Variants in CNTN5 observed in about 807,000 individuals in gnomAD.
CNTN5 encodes the protein contactin 5, also known as contactin-5.
CNTN5 carries 77 observed loss-of-function variants against 129.1 expected under a neutral mutation model. The observed-to-expected ratio is 0.60, with a 90% CI of 0.50 to 0.72. The LOEUF is 0.72. Ranked by LOEUF, CNTN5 falls within the 30% of genes least tolerant of loss-of-function variation. The probability of loss-of-function intolerance (pLI) is 0.00; values close to 1 mark genes in which losing one functional copy is unlikely to be tolerated. For synonymous variants in CNTN5, 509 were observed against 465.6 expected (o/e 1.09, Z -1.20); for missense variants, 1,478 against 1,328.8 (o/e 1.11, Z -1.75).
chr11:99,645,262 C>CAAA (rs71050011), intron 3 of CNTN5, among the ~76,000 whole-genome samples: 7,540 of 47,534 alleles, frequency 0.16, 1,066 homozygotes, highest in East Asian at 0.35. Flanking sequence ...TCCATCTCAA[C>CAAA]AAAAAAAAAA....
chr11:100,340,168 T>G (rs1483937780), intron 21 of CNTN5, among the ~76,000 whole-genome samples: 1 of 152,222 alleles, frequency 6.6e-6, no homozygotes, highest in East Asian at 1.9e-4. Flanking sequence ...TTTGAATGAT[T>G]CTTCTTTAAT....
At chr11:99,093,862 G>T (rs1055496507) in intron 1 of CNTN5, among the ~76,000 whole-genome samples, 10 of 151,924 alleles carry the variant, frequency 6.6e-5, no homozygotes, top group African/African-American at 2.4e-4. Context: ...TTAATAACTT[G>T]TCTAAATCTC....
intron 2 of CNTN5, among the ~76,000 whole-genome samples, chr11:99,399,495 A>G (rs1941689748): frequency 6.6e-6 from 1 of 151,818 alleles, no homozygotes. Flanking sequence ...CAAAACATGT[A>G]GAAATATTCT....
intron 3 of CNTN5, among the ~76,000 whole-genome samples, chr11:99,781,153 C>T (rs571347487): frequency 1.2e-4 from 19 of 152,142 alleles, no homozygotes; most frequent in Admixed American, 3.9e-4. Context: ...AGCACACACA[C>T]ATTCAGAAAA....
At chr11:99,968,313 A>G (rs1360902630) in intron 8 of CNTN5, among the ~76,000 whole-genome samples, 2 of 152,186 alleles carry the variant, frequency 1.3e-5, no homozygotes, top group African/African-American at 4.8e-5. Context: ...AAATGTAGAA[A>G]GGCTACACAT....
chr11:99,793,014 C>CTTTTAT (rs1306276549), intron 3 of CNTN5, among the ~76,000 whole-genome samples: 1 of 151,344 alleles, frequency 6.6e-6, no homozygotes, highest in East Asian at 1.9e-4. Context: ...GATCTTCCCT[C>CTTTTAT]TTTTATTTTT....
At chr11:99,601,962 A>G (rs1306322523) in intron 3 of CNTN5, among the ~76,000 whole-genome samples, 1 of 152,222 alleles carries the variant, frequency 6.6e-6, no homozygotes, top group Non-Finnish European at 1.5e-5. Flanking sequence ...TAACCATTTT[A>G]CCTATATACT....
At chr11:100,127,820 A>G (rs1478985847) in intron 13 of CNTN5, among the ~76,000 whole-genome samples, 2 of 151,574 alleles carry the variant, frequency 1.3e-5, no homozygotes, top group Non-Finnish European at 2.9e-5. Flanking sequence ...CACTGCATGC[A>G]GCTAATTTTT....
chr11:100,154,264 T>C (rs1768715258), intron 13 of CNTN5, among the ~76,000 whole-genome samples: 1 of 152,154 alleles, frequency 6.6e-6, no homozygotes, highest in South Asian at 2.1e-4. Flanking sequence ...TCCATGTCCC[T>C]GCAAAGGACA....
intron 3 of CNTN5, among the ~76,000 whole-genome samples, chr11:99,742,304 AT>A (rs1943911893): frequency 6.6e-6 from 1 of 152,218 alleles, no homozygotes; most frequent in African/African-American, 2.4e-5. Context: ...AAAGATTGGC[AT>A]TTAAACAATT....
At chr11:100,054,956 G>GAAC (rs72519060) in intron 9 of CNTN5, among the ~76,000 whole-genome samples, 1 of 139,668 alleles carries the variant, frequency 7.2e-6, no homozygotes, top group Non-Finnish European at 1.5e-5. Flanking sequence ...CCCAACAAAA[G>GAAC]AGTAGAGAGT....
At chr11:99,568,506 A>G (rs1949077738) in intron 3 of CNTN5, among the ~76,000 whole-genome samples, 1 of 152,192 alleles carries the variant, frequency 6.6e-6, no homozygotes, top group African/African-American at 2.4e-5. Context: ...CATTTGAATA[A>G]TTTGTGAGCA....
At chr11:99,687,304 C>A (rs1037095400) in intron 3 of CNTN5, among the ~76,000 whole-genome samples, 1 of 152,038 alleles carries the variant, frequency 6.6e-6, no homozygotes, top group Non-Finnish European at 1.5e-5. Context: ...CAATATAATA[C>A]CTCTCAGTGT....
At chr11:100,107,984 T>G (rs1224748518) in intron 13 of CNTN5, among the ~76,000 whole-genome samples, 2 of 124,402 alleles carry the variant, frequency 1.6e-5, no homozygotes, top group Non-Finnish European at 3.4e-5. Context: ...ATAGTGGGGA[T>G]AATTTTTTTT....
chr11:99,908,641 C>G (rs1949574224), intron 6 of CNTN5, among the ~76,000 whole-genome samples: 1 of 152,038 alleles, frequency 6.6e-6, no homozygotes, highest in Non-Finnish European at 1.5e-5. Context: ...ATTAAACACA[C>G]TGATATACAA....
intron 1 of CNTN5, among the ~76,000 whole-genome samples, chr11:99,195,838 CTAAT>C (rs1052519054): frequency 2.6e-5 from 4 of 151,832 alleles, no homozygotes; most frequent in African/African-American, 9.7e-5. Context: ...ATTTTTAAAA[CTAAT>C]TAAGTTTTAC....
intron 13 of CNTN5, among the ~76,000 whole-genome samples, chr11:100,156,014 G>A (rs112665485): frequency 2.6e-5 from 4 of 152,096 alleles, no homozygotes; most frequent in African/African-American, 9.6e-5. Context: ...TTGCCTTACT[G>A]CCCTGGAGAG....
At chr11:99,494,576 G>GA (rs891270794) in intron 2 of CNTN5, among the ~76,000 whole-genome samples, 1 of 152,154 alleles carries the variant, frequency 6.6e-6, no homozygotes, top group Non-Finnish European at 1.5e-5. Flanking sequence ...ACACTGTAGG[G>GA]AAAAAAAGTC....
At chr11:99,152,600 T>A (rs1010999296) in intron 1 of CNTN5, among the ~76,000 whole-genome samples, 2 of 152,246 alleles carry the variant, frequency 1.3e-5, no homozygotes, top group Non-Finnish European at 2.9e-5. Flanking sequence ...TTATTCAACT[T>A]GCTATTCTGT....
Sources: gnomAD v4.1 joint callset for allele counts (sites outside exome capture counted in the v4.1 genomes callset) on GRCh38, gnomAD v4.1.1 for gene constraint, MANE v1.5 for transcripts, NCBI Gene and HGNC (gene_info 2026-07-23, HGNC 2026-07-21) for gene names.